HACE1: variants seen among roughly 807,000 people sequenced by gnomAD.
The protein encoded by HACE1 is E3 ubiquitin-protein ligase HACE1.
Under a neutral mutation model 118.4 loss-of-function variants are expected in HACE1, and 73 were observed. The ratio of observed to expected loss-of-function variants is 0.62; its 90% CI spans 0.51 to 0.75. HACE1 has a LOEUF of 0.75. Among genes scored for constraint, HACE1 ranks in the 30% least tolerant of loss-of-function variants. HACE1 has a pLI of 0.00. For synonymous variants in HACE1, 368 were observed against 374.8 expected (o/e 0.98, Z 0.21); for missense variants, 749 against 1,102.2 (o/e 0.68, Z 4.54).
intron 5 of HACE1, among the ~76,000 whole-genome samples, chr6:104,842,795 CTACACCTTCTT>C: frequency 6.6e-6 from 1 of 152,130 alleles, no homozygotes; most frequent in South Asian, 2.1e-4. Flanking sequence ...TCAAATCATT[CTACACCTTCTT>C]AATCCCTATA....
intron 10 of HACE1, among the ~76,000 whole-genome samples, chr6:104,793,143 T>TGTA (rs1345752918): frequency 6.6e-6 from 1 of 151,728 alleles, no homozygotes; most frequent in South Asian, 2.1e-4. Context: ...GGCAGGCCCA[T>TGTA]GTAGTCCCAG....
intron 19 of HACE1, among the ~76,000 whole-genome samples, chr6:104,754,085 C>T (rs138332428): frequency 2.8e-4 from 42 of 152,260 alleles, no homozygotes; most frequent in African/African-American, 9.6e-4. Flanking sequence ...AGCTGAAAAA[C>T]ACAACATGAG....
intron 5 of HACE1, among the ~76,000 whole-genome samples, chr6:104,836,749 GACA>G (rs979659606): frequency 2.6e-5 from 4 of 152,094 alleles, no homozygotes; most frequent in African/African-American, 9.7e-5. Flanking sequence ...TCTACGTGCA[GACA>G]ACATGACTGT....
chr6:104,729,558 T>C lies in HACE1; in HGVS notation c.*104A>G, dbSNP rs1774980419. The C allele has an allele frequency of 8.0e-6, 6 of 747,568 alleles. No homozygotes were observed. The East Asian group carries it at 1.5e-4, about 18-fold the overall frequency. The allele number at this position is 747,568 out of a possible 1,614,324, so 46.3% of individuals were successfully genotyped here. ...CTTTATAAATTGGAAGCATCAGCCC[T>C]GCCTATGGGTTGCATTTAGGCTGCT... On this transcript the variant is annotated 3_prime_UTR_variant, in exon 24 of 24. Coordinates refer to ENST00000262903, the MANE Select transcript of HACE1 (RefSeq NM_020771.4).
At chr6:104,828,413 AATT>A (rs921284920) in intron 6 of HACE1, among the ~76,000 whole-genome samples, 3 of 152,010 alleles carry the variant, frequency 2.0e-5, no homozygotes, top group Non-Finnish European at 4.4e-5. Flanking sequence ...TCACCAGTAA[AATT>A]ATATCTCCAG....
chr6:104,844,194 T>C (rs1415098339), intron 4 of HACE1, among the ~76,000 whole-genome samples: 2 of 149,790 alleles, frequency 1.3e-5, no homozygotes, highest in Admixed American at 1.3e-4. Flanking sequence ...CATGCCACCA[T>C]GCCCAGCTAA....
At chr6:104,849,943 C>A (rs1191959771) in intron 3 of HACE1, among the ~76,000 whole-genome samples, 3 of 142,484 alleles carry the variant, frequency 2.1e-5, no homozygotes, top group African/African-American at 7.5e-5. Context: ...AGCCACCACG[C>A]CCGTCCTTTT....
At chr6:104,764,664 C>T (rs1431745270) in intron 19 of HACE1, among the ~76,000 whole-genome samples, 1 of 152,222 alleles carries the variant, frequency 6.6e-6, no homozygotes, top group Non-Finnish European at 1.5e-5. Flanking sequence ...ATCACCTACA[C>T]TCAGAACCAT....
chr6:104,839,444 C>G (rs982839433), intron 5 of HACE1, among the ~76,000 whole-genome samples: 5 of 152,146 alleles, frequency 3.3e-5, no homozygotes, highest in African/African-American at 9.7e-5. Flanking sequence ...CAATATAGTT[C>G]TATCTCTGTA....
chr6:104,784,560 T>C (rs1329537310), intron 12 of HACE1, 75 bp from the exon 13 acceptor site: 5 of 1,000,210 alleles, frequency 5.0e-6, no homozygotes, highest in East Asian at 4.8e-5. Context: ...GATAAATATA[T>C]ACTGAACTGG....
At chr6:104,818,398 A>T (rs1202771181) in intron 6 of HACE1, among the ~76,000 whole-genome samples, 2 of 152,136 alleles carry the variant, frequency 1.3e-5, no homozygotes, top group Non-Finnish European at 2.9e-5. Context: ...ACAGAAAATA[A>T]GCCTGCCAAC....
intron 6 of HACE1, among the ~76,000 whole-genome samples, chr6:104,819,288 C>T (rs902898964): frequency 6.6e-6 from 1 of 152,076 alleles, no homozygotes; most frequent in East Asian, 1.9e-4. Flanking sequence ...CCATTCACAA[C>T]TGCCACAAAA....
intron 6 of HACE1, among the ~76,000 whole-genome samples, chr6:104,822,957 T>G (rs191136859): frequency 9.2e-5 from 14 of 152,306 alleles, no homozygotes; most frequent in African/African-American, 3.1e-4. Context: ...ACTAACATAC[T>G]CCTCTACTGT....
At chr6:104,743,919 C>T (rs989949502) in intron 22 of HACE1, among the ~76,000 whole-genome samples, 2 of 151,962 alleles carry the variant, frequency 1.3e-5, no homozygotes, top group African/African-American at 4.8e-5. Flanking sequence ...TTATAAAGTA[C>T]AATATACTGA....
intron 6 of HACE1, among the ~76,000 whole-genome samples, chr6:104,820,845 C>A (rs1432144139): frequency 2.0e-5 from 3 of 152,032 alleles, no homozygotes; most frequent in Non-Finnish European, 4.4e-5. Flanking sequence ...GGGTATATAC[C>A]CAAAAGAAAT....
intron 5 of HACE1, among the ~76,000 whole-genome samples, chr6:104,839,898 C>G (rs1182728591): frequency 6.6e-6 from 1 of 152,072 alleles, no homozygotes; most frequent in Non-Finnish European, 1.5e-5. Flanking sequence ...CCCAGCTACT[C>G]GGGAGACTGA....
chr6:104,851,772 T>C (rs1313152447), intron 2 of HACE1, among the ~76,000 whole-genome samples: 1 of 152,170 alleles, frequency 6.6e-6, no homozygotes. Flanking sequence ...ATAGTTTCTC[T>C]TTACATTCTT....
chr6:104,788,236 G>A (rs139710697), intron 11 of HACE1, among the ~76,000 whole-genome samples: 1 of 151,696 alleles, frequency 6.6e-6, no homozygotes, highest in Non-Finnish European at 1.5e-5. Flanking sequence ...ATTTGTTACC[G>A]AACAATGAGT....
chr6:104,791,240 T>C (rs1034071940), intron 11 of HACE1, among the ~76,000 whole-genome samples: 1 of 152,212 alleles, frequency 6.6e-6, no homozygotes, highest in Non-Finnish European at 1.5e-5. Context: ...ATAAAATTAA[T>C]TTTAAACACT....
Sources: gnomAD v4.1 joint callset for allele counts (sites outside exome capture counted in the v4.1 genomes callset) on GRCh38, gnomAD v4.1.1 for gene constraint, MANE v1.5 for transcripts, NCBI Gene and HGNC (gene_info 2026-07-23, HGNC 2026-07-21) for gene names.